The following AK9 variants were observed in gnomAD, a reference collection of about 807,000 sequenced individuals.
The protein encoded by AK9 is adenylate kinase domain containing 1.
In AK9, 191 loss-of-function variants were observed where a neutral mutation model predicts 239.6. The observed-to-expected ratio is 0.80, with a 90% confidence interval of 0.71 to 0.90. The LOEUF is 0.90. Among genes scored for constraint, AK9 ranks in the 40% least tolerant of loss-of-function variants. The pLI, the probability that AK9 is intolerant of heterozygous loss-of-function variation, is 0.00. For synonymous variants in AK9, 689 were observed against 721.0 expected, an observed-to-expected ratio of 0.96 and a Z score of 0.71; for missense variants, 1,995 against 2,214.7, an observed-to-expected ratio of 0.90 and a Z score of 1.99.
At chr6:109,593,169 T>C (rs1790522127) in intron 17 of AK9, among the ~76,000 whole-genome samples, 1 of 152,076 alleles carries the variant, frequency 6.6e-6, no homozygotes, top group African/African-American at 2.4e-5. Context: ...TTCAACTGTA[T>C]TTTGCAATTC....
intron 17 of AK9, among the ~76,000 whole-genome samples, chr6:109,602,990 T>C (rs1792260448): frequency 6.6e-6 from 1 of 152,110 alleles, no homozygotes; most frequent in Non-Finnish European, 1.5e-5. Flanking sequence ...TTTTTCAAGG[T>C]TTTTAGCTTC....
chr6:109,526,961 C>G (rs1410337023), intron 29 of AK9, among the ~76,000 whole-genome samples: 2 of 152,150 alleles, frequency 1.3e-5, no homozygotes, highest in African/African-American at 2.4e-5. Context: ...TGGGCCTTCC[C>G]TCAGTACCTA....
chr6:109,687,569 C>T (rs1211218034), intron 1 of AK9, among the ~76,000 whole-genome samples: 2 of 152,116 alleles, frequency 1.3e-5, no homozygotes, highest in Admixed American at 6.5e-5. Flanking sequence ...GAGTGCAGCC[C>T]CTGCCAACAG....
chr6:109,600,376 A>G (rs1442911224), intron 17 of AK9, among the ~76,000 whole-genome samples: 1 of 152,218 alleles, frequency 6.6e-6, no homozygotes, highest in African/African-American at 2.4e-5. Context: ...ATGCTGGATC[A>G]TGCTTATTGA....
At chr6:109,505,109 A>G (rs1007310773) in intron 35 of AK9, among the ~76,000 whole-genome samples, 3 of 152,232 alleles carry the variant, frequency 2.0e-5, no homozygotes, top group Non-Finnish European at 2.9e-5. Context: ...TATGATCTTT[A>G]GGTGAAAACA....
At chr6:109,507,265 T>G (rs907023203) in intron 33 of AK9, among the ~76,000 whole-genome samples, 4 of 152,136 alleles carry the variant, frequency 2.6e-5, no homozygotes, top group African/African-American at 9.7e-5. Context: ...AGATCAGGTA[T>G]GTAAAGCAAC....
chr6:109,647,217 G>A (rs1461612328), intron 8 of AK9, among the ~76,000 whole-genome samples: 1 of 152,148 alleles, frequency 6.6e-6, no homozygotes, highest in East Asian at 1.9e-4. Flanking sequence ...CATAATGACA[G>A]GATCAAATTC....
At chr6:109,623,278 T>C (rs1795093787) in intron 12 of AK9, among the ~76,000 whole-genome samples, 2 of 152,206 alleles carry the variant, frequency 1.3e-5, no homozygotes, top group Non-Finnish European at 2.9e-5. Flanking sequence ...TTCTCCTCTT[T>C]AGTGTAACTA....
intron 19 of AK9, among the ~76,000 whole-genome samples, chr6:109,582,464 A>C (rs1033490753): frequency 3.3e-5 from 5 of 152,238 alleles, no homozygotes; most frequent in Admixed American, 3.3e-4. Flanking sequence ...TAATAAGTTC[A>C]GGACTGTAAT....
At chr6:109,588,598 C>T (rs560704294) in intron 17 of AK9, among the ~76,000 whole-genome samples, 11 of 152,204 alleles carry the variant, frequency 7.2e-5, no homozygotes, top group Admixed American at 7.2e-4. Context: ...TAATTACGTC[C>T]TATTTGTCTA....
At chr6:109,525,469 C>T (rs1780368933) in intron 29 of AK9, among the ~76,000 whole-genome samples, 1 of 151,770 alleles carries the variant, frequency 6.6e-6, no homozygotes. Context: ...TCAACAAGCC[C>T]AAAACAACAA....
At chr6:109,616,225 G>C (rs995945917) in intron 13 of AK9, among the ~76,000 whole-genome samples, 1 of 152,144 alleles carries the variant, frequency 6.6e-6, no homozygotes, top group Non-Finnish European at 1.5e-5. Context: ...AAACCCAAGA[G>C]AATCAACTGA....
At chr6:109,533,626 G>GA (rs947463224) in intron 27 of AK9, among the ~76,000 whole-genome samples, 156 bp from the exon 28 acceptor site, 1 of 151,076 alleles carries the variant, frequency 6.6e-6, no homozygotes, top group Non-Finnish European at 1.5e-5. Flanking sequence ...TATTTTAAAA[G>GA]AAAAAAATAC....
chr6:109,638,044 G>T (rs1304460357), intron 10 of AK9, among the ~76,000 whole-genome samples: 2 of 152,096 alleles, frequency 1.3e-5, no homozygotes, highest in African/African-American at 2.4e-5. Flanking sequence ...GCTGCTTAAG[G>T]GATATGAATA....
chr6:109,618,885 T>C (rs922984837), intron 13 of AK9, among the ~76,000 whole-genome samples: 4 of 95,500 alleles, frequency 4.2e-5, no homozygotes, highest in African/African-American at 1.1e-4. Flanking sequence ...CTCATTCTGA[T>C]TCATTCCTTA....
chr6:109,508,622 A>G (rs1244731809), intron 33 of AK9, among the ~76,000 whole-genome samples: 1 of 152,228 alleles, frequency 6.6e-6, no homozygotes, highest in Non-Finnish European at 1.5e-5. Context: ...GCTCAAGACC[A>G]GGGCTTCAGG....
At chr6:109,599,140 G>A (rs1327493924) in intron 17 of AK9, among the ~76,000 whole-genome samples, 2 of 152,174 alleles carry the variant, frequency 1.3e-5, no homozygotes, top group South Asian at 2.1e-4. Flanking sequence ...TAGACATGAA[G>A]TCCTTGCCTA....
In AK9 at chr6:109,670,280, T is replaced by A. The variant is rs924558835; in HGVS notation, c.331+1639A>T. Reference sequence around the variant, plus strand: ...ATGATATCAAGGAATAACAATTAATTTTTTAGGTGTGATAATGGTAATGTG... The same window carrying A: ...ATGATATCAAGGAATAACAATTAATATTTTAGGTGTGATAATGGTAATGTG... On this transcript the variant is annotated intron_variant, in intron 5 of 40. Coordinates refer to ENST00000424296, the MANE Select transcript of AK9 (RefSeq NM_001145128.3). 5.9e-5 allele frequency among the ~76,000 whole-genome samples: 9 copies of A among 152,298 alleles called. No individual in the cohort carries two copies. In the East Asian group the frequency reaches 1.7e-3, roughly 29 times the overall value.
chr6:109,529,635 T>C (rs979627372), intron 28 of AK9, among the ~76,000 whole-genome samples: 2 of 152,100 alleles, frequency 1.3e-5, no homozygotes, highest in Non-Finnish European at 2.9e-5. Flanking sequence ...GTAGAATCAG[T>C]GGGGGCCCTA....
Sources: allele counts gnomAD v4.1 joint callset (sites outside exome capture counted in the v4.1 genomes callset), GRCh38; gene constraint gnomAD v4.1.1; transcripts MANE v1.5; gene names NCBI Gene and HGNC (gene_info 2026-07-23, HGNC 2026-07-21).